The following CCDC38 variants were observed in gnomAD, a reference collection of about 807,000 sequenced individuals.
The protein encoded by CCDC38 is coiled-coil domain-containing protein 38.
CCDC38 carries 69 observed loss-of-function variants against 72.8 expected under a neutral mutation model. The ratio of observed to expected loss-of-function variants is 0.95; its 90% CI spans 0.78 to 1.16. The LOEUF is 1.16. Ranked by LOEUF, CCDC38 falls within the 50% of genes most tolerant of loss-of-function variation. The pLI, the probability that CCDC38 is intolerant of heterozygous loss-of-function variation, is 0.00. For synonymous variants in CCDC38, 201 were observed against 213.2 expected (o/e 0.94, Z 0.50); for missense variants, 626 against 638.9 (o/e 0.98, Z 0.22).
chr12:95,905,923 C>T (rs2079996381), intron 5 of CCDC38, among the ~76,000 whole-genome samples: 1 of 152,152 alleles, frequency 6.6e-6, no homozygotes, highest in Non-Finnish European at 1.5e-5. Flanking sequence ...ACTGTTCTGA[C>T]ATGAATAGGT....
chr12:95,889,598 T>A (rs1330049373), intron 9 of CCDC38, among the ~76,000 whole-genome samples: 1 of 152,172 alleles, frequency 6.6e-6, no homozygotes, highest in Non-Finnish European at 1.5e-5. Flanking sequence ...CAGGGTCATT[T>A]CTGGGCAGGC....
intron 13 of CCDC38, among the ~76,000 whole-genome samples, chr12:95,874,480 T>C (rs2079615222): frequency 6.6e-6 from 1 of 151,782 alleles, no homozygotes; most frequent in African/African-American, 2.4e-5. Flanking sequence ...TATAACAAGG[T>C]AAGAACAAGA....
chr12:95,939,216 T>A (rs1297886892), intron 1 of CCDC38, among the ~76,000 whole-genome samples: 1 of 152,134 alleles, frequency 6.6e-6, no homozygotes, highest in Non-Finnish European at 1.5e-5. Context: ...GGGAGGAATG[T>A]GCCTGGTGTG....
chr12:95,917,386 CA>C (rs1337074941), intron 3 of CCDC38, 92 bp from the exon 4 acceptor site: 2 of 1,092,300 alleles, frequency 1.8e-6, no homozygotes, highest in Non-Finnish European at 1.3e-6. Flanking sequence ...ACATTTGCAA[CA>C]AAAATCTTAA....
At chr12:95,888,173 A>T (rs2079781350) in intron 10 of CCDC38, among the ~76,000 whole-genome samples, 1 of 152,242 alleles carries the variant, frequency 6.6e-6, no homozygotes, top group Non-Finnish European at 1.5e-5. Flanking sequence ...CACACAGGCT[A>T]GCAGAATAGC....
At chr12:95,922,428 G>A (rs570874180) in intron 2 of CCDC38, among the ~76,000 whole-genome samples, 1 of 152,200 alleles carries the variant, frequency 6.6e-6, no homozygotes, top group Non-Finnish European at 1.5e-5. Context: ...CACCAGTGGT[G>A]GGAGGCAACT....
At chr12:95,908,230 C>G (rs1296318688) in intron 4 of CCDC38, among the ~76,000 whole-genome samples, 4 of 151,708 alleles carry the variant, frequency 2.6e-5, no homozygotes, top group African/African-American at 9.7e-5. Flanking sequence ...GAGGCCGAGG[C>G]TGGCGGATCA....
chr12:95,928,769 C>T (rs1378111040), intron 2 of CCDC38, among the ~76,000 whole-genome samples: 5 of 152,184 alleles, frequency 3.3e-5, no homozygotes, highest in Admixed American at 2.0e-4. Flanking sequence ...ACAGGACCCT[C>T]AGCTGCAGGT....
intron 13 of CCDC38, 125 bp downstream of exon 13, chr12:95,878,086 A>AG: frequency 9.1e-7 from 1 of 1,097,158 alleles, no homozygotes; most frequent in Non-Finnish European, 1.3e-6. Context: ...CTGGCTTTCC[A>AG]CTTCTGTCAT....
chr12:95,908,098 G>A (rs2080032669), intron 4 of CCDC38, among the ~76,000 whole-genome samples: 1 of 152,050 alleles, frequency 6.6e-6, no homozygotes, highest in East Asian at 2.0e-4. Flanking sequence ...CACTTTGGGA[G>A]GCCAAGGCAG....
Position 95,878,337 on chromosome 12 carries a change from G to C in CCDC38, c.1152C>G (p.Asn384Lys), listed in dbSNP as rs759270278. 9 of 1,611,280 alleles carry C rather than the reference G, an allele frequency of 5.6e-6. No individual in the cohort carries two copies. The highest frequency in any genetic ancestry group is 7.6e-6 in the Non-Finnish European group (9 of 1,179,250). Residue 384 changes from asparagine (N) to lysine (K), a missense_variant, in exon 13 of 16, where the codon AAC becomes AAG. Coordinates refer to ENST00000344280, the MANE Select transcript of CCDC38 (RefSeq NM_182496.3). Reference protein sequence around the residue: ...EKVIQDKTNSNIEFLLEQEKM... With the variant: ...EKVIQDKTNSKIEFLLEQEKM... ...TTTCTTGCTCCAAAAGAAACTCTAT[G>C]TTGCTATTTCTATTACAAAAGAAGA...
chr12:95,922,869 T>C (rs1415924650), intron 2 of CCDC38, among the ~76,000 whole-genome samples: 2 of 152,094 alleles, frequency 1.3e-5, no homozygotes, highest in African/African-American at 4.8e-5. Context: ...CTGTGATGGT[T>C]AATTGTGTGC....
chr12:95,940,697 G>A (rs1417288002), intron 1 of CCDC38, among the ~76,000 whole-genome samples: 1 of 152,150 alleles, frequency 6.6e-6, no homozygotes, highest in Non-Finnish European at 1.5e-5. Context: ...CTAAAAGCCA[G>A]GAGCCACTGG....
intron 2 of CCDC38, among the ~76,000 whole-genome samples, chr12:95,925,663 T>C (rs541987565): frequency 2.0e-5 from 3 of 152,312 alleles, no homozygotes; most frequent in Non-Finnish European, 4.4e-5. Context: ...TTCAGTATAA[T>C]ATTGGCTGTG....
At chr12:95,915,023 G>T (rs17370758) in intron 4 of CCDC38, among the ~76,000 whole-genome samples, 2 of 152,000 alleles carry the variant, frequency 1.3e-5, no homozygotes, top group African/African-American at 2.4e-5. Flanking sequence ...ATTTCTGATG[G>T]GTCAGCCAAA....
At chr12:95,913,922 T>C (rs2136713794) in intron 4 of CCDC38, among the ~76,000 whole-genome samples, 1 of 151,974 alleles carries the variant, frequency 6.6e-6, no homozygotes, top group East Asian at 2.0e-4. Context: ...GCCACGTTCA[T>C]CAGACACAAC....
intron 8 of CCDC38, among the ~76,000 whole-genome samples, chr12:95,892,363 C>T (rs1378747174): frequency 7.0e-6 from 1 of 143,682 alleles, no homozygotes; most frequent in Non-Finnish European, 1.5e-5. Flanking sequence ...TGGCTCACTG[C>T]AACTTCCTCC....
intron 1 of CCDC38, among the ~76,000 whole-genome samples, chr12:95,939,312 G>A (rs1181402385): frequency 6.6e-6 from 1 of 152,184 alleles, no homozygotes; most frequent in Non-Finnish European, 1.5e-5. Context: ...GAGACAAGAA[G>A]TCCAAGATCA....
chr12:95,877,147 A>T (rs1448522634), intron 13 of CCDC38, among the ~76,000 whole-genome samples: 1 of 152,204 alleles, frequency 6.6e-6, no homozygotes, highest in African/African-American at 2.4e-5. Context: ...ATTTAGCAGG[A>T]GACAAGATAA....
Sources: gnomAD v4.1 joint callset for allele counts (sites outside exome capture counted in the v4.1 genomes callset) on GRCh38, gnomAD v4.1.1 for gene constraint, MANE v1.5 for transcripts, NCBI Gene and HGNC (gene_info 2026-07-23, HGNC 2026-07-21) for gene names.